The following SLC8A2 variants were observed in gnomAD, a reference collection of about 807,000 sequenced individuals.
SLC8A2 encodes the protein solute carrier family 8 member A2.
In SLC8A2, 14 loss-of-function variants were observed where a neutral mutation model predicts 70.2. That is an observed-to-expected ratio of 0.20 (90% CI 0.13 to 0.31). The LOEUF (loss-of-function observed/expected upper bound fraction) is 0.31, where lower values mean the gene tolerates loss of function less well. Among genes scored for constraint, SLC8A2 ranks in the 10% least tolerant of loss-of-function variants. The probability of loss-of-function intolerance (pLI) is 1.00; values close to 1 mark genes in which losing one functional copy is unlikely to be tolerated. For synonymous variants in SLC8A2, 575 were observed against 594.3 expected, an observed-to-expected ratio of 0.97 and a Z score of 0.47; for missense variants, 779 against 1,320.1, an observed-to-expected ratio of 0.59 and a Z score of 6.35.
intron 1 of SLC8A2, among the ~76,000 whole-genome samples, chr19:47,470,386 C>CA (rs986658310): frequency 6.7e-6 from 1 of 149,756 alleles, no homozygotes; most frequent in South Asian, 2.1e-4. Flanking sequence ...CACACACACA[C>CA]ACCAGGGCTA....
chr19:47,457,015 G>C lies in SLC8A2; in HGVS notation c.1255C>G (p.Gln419Glu), dbSNP rs749150533. The C allele has an allele frequency of 5.0e-5, 80 of 1,612,262 alleles. 1 individual carries two copies. The highest frequency in any genetic ancestry group is 6.5e-5 in the Non-Finnish European group (77 of 1,179,432). The change falls in exon 3 of 10, where the codon CAG (glutamine) becomes GAG (glutamate). Residue 419 changes from glutamine to glutamate, a missense_variant. By Grantham distance (29) the Gln-to-Glu change is conservative. Around this residue, in one of 6 missense-constraint regions of SLC8A2, gnomAD observed 186 missense variants for 246.6 expected, o/e 0.75. Transcript: ENST00000236877. ...CGSVLLSVTC[Q>E]GGEGNSTFYV... ...AAGGTGCTGTTGCCCTCGCCGCCCTGGCACGTGACGGACAGCAGCACGGAG... is the reference window on the plus strand; with the variant it reads ...AAGGTGCTGTTGCCCTCGCCGCCCTCGCACGTGACGGACAGCAGCACGGAG...
At position 47,432,137 on chromosome 19, in the gene SLC8A2, C is replaced by T. The variant is rs1213097847; in HGVS notation, c.2389+30G>A. 1.3e-6 allele frequency: 2 copies of T among 1,570,534 alleles called. No homozygotes were observed. The highest frequency in any genetic ancestry group is 2.3e-5 in the East Asian group (1 of 44,406). On this transcript the variant is annotated intron_variant, in intron 9 of 9. Coordinates refer to ENST00000236877, the MANE Select transcript of SLC8A2 (RefSeq NM_015063.3). The surrounding 1 kb of genome is among the most constrained non-coding windows in gnomAD (Gnocchi z 6.2). ...GCCCCTGCCTGGCTCATCTGAGATCCTACCCCACCAAAGTCTCCCAGGGTG... is the reference window on the plus strand; with the variant it reads ...GCCCCTGCCTGGCTCATCTGAGATCTTACCCCACCAAAGTCTCCCAGGGTG...
rs182873463 is a variant in SLC8A2 at position 47,456,870 on chromosome 19, G to C, written c.1340+60C>G. ...GAGGCGAAGAGCCTGGAGGCCGCCG[G>C]ACGGCGGGACCCACGGCCTGCGCCA... On this transcript the variant is annotated intron_variant, in intron 3 of 9. Coordinates refer to ENST00000236877, the MANE Select transcript of SLC8A2 (RefSeq NM_015063.3). 54 of 1,486,724 alleles carry C rather than the reference G, an allele frequency of 3.6e-5. No homozygotes were observed. The African/African-American group carries it at 7.2e-4, about 20-fold the overall frequency. The allele number at this position is 1,486,724 out of a possible 1,614,324, so 92.1% of individuals were successfully genotyped here.
In SLC8A2 at chr19:47,457,217, G is replaced by A; in HGVS notation, c.1053C>T (p.Ala351=). ...YALLHQQKSR[A]FYRIQATRLM... ...GCCGCGTGGCCTGGATGCGGTAGAAGGCGCGGCTCTTCTGCTGGTGCAGCA... is the reference window on the plus strand; with the variant it reads ...GCCGCGTGGCCTGGATGCGGTAGAAAGCGCGGCTCTTCTGCTGGTGCAGCA... Residue 351 remains alanine (A), a synonymous_variant, in exon 3 of 10, where the codon GCC becomes GCT. Coordinates refer to ENST00000236877, the MANE Select transcript of SLC8A2 (RefSeq NM_015063.3). 1 of 1,546,434 alleles carries A rather than the reference G, an allele frequency of 6.5e-7. No individual in the cohort carries two copies.
intron 2 of SLC8A2, among the ~76,000 whole-genome samples, chr19:47,461,298 C>T (rs1967391955): frequency 6.6e-6 from 1 of 151,718 alleles, no homozygotes; most frequent in African/African-American, 2.4e-5. Flanking sequence ...CACTTGAGCT[C>T]AGGAGTTCAA....
At chr19:47,455,132 G>A (rs927243769) in intron 3 of SLC8A2, among the ~76,000 whole-genome samples, 5 of 152,044 alleles carry the variant, frequency 3.3e-5, no homozygotes, top group African/African-American at 9.6e-5. Context: ...AGGAGAGAGA[G>A]GAGAGAGGGG....
intron 8 of SLC8A2, among the ~76,000 whole-genome samples, chr19:47,433,162 A>G (rs965554288): frequency 3.9e-5 from 6 of 152,176 alleles, no homozygotes; most frequent in African/African-American, 1.4e-4. Flanking sequence ...CCCCTAGCTA[A>G]AATTATTCAT....
intron 6 of SLC8A2, among the ~76,000 whole-genome samples, chr19:47,439,820 T>A (rs2122620457): frequency 6.6e-6 from 1 of 152,170 alleles, no homozygotes; most frequent in African/African-American, 2.4e-5. Flanking sequence ...CCCACCACCA[T>A]GCCCGGCTAA....
intron 1 of SLC8A2, among the ~76,000 whole-genome samples, chr19:47,470,980 C>T (rs1025461441): frequency 3.3e-5 from 5 of 151,884 alleles, no homozygotes; most frequent in Non-Finnish European, 5.9e-5. Flanking sequence ...GGTCTAATTC[C>T]TCCAGGTCCC....
At chr19:47,440,533 T>A (rs1967087513) in intron 6 of SLC8A2, among the ~76,000 whole-genome samples, 1 of 152,178 alleles carries the variant, frequency 6.6e-6, no homozygotes, top group Admixed American at 6.6e-5. Context: ...TTCAAGCGAT[T>A]CTCCTGCCTC....
Position 47,437,360 on chromosome 19 carries a change from G to A in SLC8A2, c.2110+102C>T. On this transcript the variant is annotated intron_variant, in intron 8 of 9. Coordinates refer to ENST00000236877, the MANE Select transcript of SLC8A2 (RefSeq NM_015063.3). ...TTCCAGGCATGAGCCACCGCGCCCGGCCTGTTTATCTTTGTGCCTGTCTCT... is the reference window on the plus strand; with the variant it reads ...TTCCAGGCATGAGCCACCGCGCCCGACCTGTTTATCTTTGTGCCTGTCTCT... The A allele has an allele frequency of 3.4e-6, 3 of 888,012 alleles. No homozygotes were observed. In the Admixed American group the frequency reaches 5.8e-5, roughly 17 times the overall value. The allele number at this position is 888,012 out of a possible 1,614,324, so 55.0% of individuals were successfully genotyped here. A position where few individuals can be genotyped will look rare whatever the true frequency, so the allele number is the denominator to read the frequency against.
At chr19:47,469,023 C>T (rs1241709996) in intron 1 of SLC8A2, among the ~76,000 whole-genome samples, 1 of 152,156 alleles carries the variant, frequency 6.6e-6, no homozygotes, top group Non-Finnish European at 1.5e-5. Flanking sequence ...CACCTACATA[C>T]CCATGGGCTG....
In SLC8A2 at chr19:47,470,164, T is replaced by A. The variant is rs149429631; in HGVS notation, c.-17+1625A>T. ...AGGCGCTCCCATCACCTCAAAATGG[T>A]CCAGTGTGGGGATCACACCACAGAG... On this transcript the variant is annotated intron_variant, in intron 1 of 9. Transcript: ENST00000236877. Among the ~76,000 whole-genome samples, 9 of 152,228 alleles carry A rather than the reference T, an allele frequency of 5.9e-5. No individual in the cohort carries two copies. In the East Asian group the frequency reaches 1.7e-3, roughly 29 times the overall value.
At chr19:47,450,808 A>C (rs1967225021) in intron 3 of SLC8A2, among the ~76,000 whole-genome samples, 2 of 152,006 alleles carry the variant, frequency 1.3e-5, no homozygotes, top group African/African-American at 4.8e-5. Flanking sequence ...TATCTGTGGA[A>C]TGGGCTAATA....
chr19:47,456,056 C>G (rs1967299391), intron 3 of SLC8A2, among the ~76,000 whole-genome samples: 2 of 152,242 alleles, frequency 1.3e-5, no homozygotes, highest in Admixed American at 6.5e-5. Context: ...GGGACCTTAG[C>G]TGCTTGTTCC....
intron 2 of SLC8A2, among the ~76,000 whole-genome samples, chr19:47,458,266 G>C (rs1967341462): frequency 1.0e-5 from 1 of 97,304 alleles, no homozygotes; most frequent in East Asian, 3.1e-4. Flanking sequence ...CCCAAGTTCT[G>C]TTCCCCCCAT....
rs139759228 is a variant in SLC8A2 at position 47,446,770 on chromosome 19, C to A, written c.1763+1039G>T. The stretch of plus-strand genomic sequence containing the variant: ...GCCCAGGTTGCTCTCAAACTCCTGG[C>A]CTCAAATGATCCTCCTGCTTCGTCC... On this transcript the variant is annotated intron_variant, in intron 4 of 9. Transcript: ENST00000236877. Among the ~76,000 whole-genome samples the A allele has an allele frequency of 3.8e-3, 579 of 152,178 alleles. 2 individuals are homozygous for A. The highest frequency in any genetic ancestry group is 0.013 in the African/African-American group (552 of 41,508).
chr19:47,447,443 C>A lies in SLC8A2; in HGVS notation c.1763+366G>T. ...GGGGCCCTCTTCTCACCTGTCCGGC[C>A]ACCCTTCTAGGCCTCGCCTCTTCAT... On this transcript the variant is annotated intron_variant, in intron 4 of 9. Transcript: ENST00000236877. This position sits in a 1 kb window ranked among gnomAD's most constrained non-coding sequence, Gnocchi z 5.1. 3.2e-6 allele frequency: 1 copy of A among 307,824 alleles called. No homozygotes were observed. The highest frequency in any genetic ancestry group is 6.1e-6 in the Non-Finnish European group (1 of 164,402). The allele number at this position is 307,824 out of a possible 1,614,324, so 19.1% of individuals were successfully genotyped here.
chr19:47,438,061 G>T, intron 6 of SLC8A2, 88 bp from the exon 7 acceptor site: 1 of 1,540,336 alleles, frequency 6.5e-7, no homozygotes. Context: ...CATAGTTAGA[G>T]AAAGCCTATC....
Sources: allele counts gnomAD v4.1 joint callset (sites outside exome capture counted in the v4.1 genomes callset), GRCh38; gene constraint gnomAD v4.1.1; regional missense constraint gnomAD v4.1.1; non-coding constraint Gnocchi (gnomAD v3.1); transcripts MANE v1.5; gene names NCBI Gene and HGNC (gene_info 2026-07-23, HGNC 2026-07-21).